KHDRBS2: variants seen among roughly 807,000 people sequenced by gnomAD.
KHDRBS2 encodes the protein KH RNA binding domain containing, signal transduction associated 2.
KHDRBS2 carries 26 observed loss-of-function variants against 44.3 expected under a neutral mutation model. That is an observed-to-expected ratio of 0.59 (90% CI 0.43 to 0.81). The LOEUF is 0.81. Ranked by LOEUF, KHDRBS2 falls within the 40% of genes least tolerant of loss-of-function variation. The pLI is 0.00. For missense variants in KHDRBS2, 476 were observed against 433.1 expected (o/e 1.10, Z -0.88); for synonymous variants, 194 against 151.1 (o/e 1.28, Z -2.08).
chr6:61,820,468 G>A (rs554331267), intron 6 of KHDRBS2, among the ~76,000 whole-genome samples: 3 of 151,944 alleles, frequency 2.0e-5, no homozygotes, highest in Non-Finnish European at 4.4e-5. Context: ...GAAAAGATAG[G>A]TTTGACAGGG....
intron 6 of KHDRBS2, among the ~76,000 whole-genome samples, chr6:61,850,700 A>G (rs1307960445): frequency 6.6e-6 from 1 of 152,176 alleles, no homozygotes; most frequent in Non-Finnish European, 1.5e-5. Context: ...TTGATTTCAA[A>G]CTGTCAGCTA....
intron 3 of KHDRBS2, among the ~76,000 whole-genome samples, chr6:62,017,490 A>G (rs1781421004): frequency 6.6e-6 from 1 of 152,110 alleles, no homozygotes. Context: ...CTACCCATTT[A>G]TTGTCTTTGA....
intron 3 of KHDRBS2, among the ~76,000 whole-genome samples, chr6:61,998,612 A>G (rs1375322820): frequency 6.6e-6 from 1 of 152,086 alleles, no homozygotes; most frequent in Non-Finnish European, 1.5e-5. Flanking sequence ...GAGTTCCAGA[A>G]AACATTGTTT....
intron 2 of KHDRBS2, among the ~76,000 whole-genome samples, chr6:62,154,906 T>TA (rs1367988458): frequency 1.3e-5 from 2 of 152,200 alleles, no homozygotes; most frequent in Non-Finnish European, 2.9e-5. Context: ...ATGCAAGTCA[T>TA]ACAAAAATTG....
intron 2 of KHDRBS2, among the ~76,000 whole-genome samples, chr6:62,092,116 C>T (rs1313248551): frequency 6.6e-6 from 1 of 151,742 alleles, no homozygotes; most frequent in African/African-American, 2.4e-5. Context: ...TTGATGTCTC[C>T]AGTTTTTTTT....
intron 2 of KHDRBS2, among the ~76,000 whole-genome samples, chr6:62,175,603 C>G (rs1820931164): frequency 6.6e-6 from 1 of 151,536 alleles, no homozygotes; most frequent in African/African-American, 2.4e-5. Context: ...TTAGTTCCAG[C>G]CTAAGCATTC....
chr6:61,920,041 C>G (rs1324502315), intron 4 of KHDRBS2, among the ~76,000 whole-genome samples: 1 of 151,892 alleles, frequency 6.6e-6, no homozygotes, highest in African/African-American at 2.4e-5. Flanking sequence ...AGATAAAACG[C>G]ATGACTATAG....
At chr6:61,691,715 C>T (rs1382945068) in intron 8 of KHDRBS2, among the ~76,000 whole-genome samples, 2 of 151,998 alleles carry the variant, frequency 1.3e-5, no homozygotes, top group East Asian at 3.9e-4. Context: ...TAAATGGCTG[C>T]CACAACTGCC....
rs1793238817 is a variant in KHDRBS2, at chr6:62,065,084, T to C, written c.220-17090A>G. ...AACGCAAATCAAAACCACAATGAGA[T>C]ACCATCTCACACCAGTTAGAATGGC... On this transcript the variant is annotated intron_variant, in intron 2 of 8. Coordinates refer to ENST00000281156, the MANE Select transcript of KHDRBS2 (RefSeq NM_152688.4). Among the ~76,000 whole-genome samples, 4 of 152,196 alleles carry C rather than the reference T, an allele frequency of 2.6e-5. No homozygotes were observed. The South Asian group carries it at 8.3e-4, about 32-fold the overall frequency.
chr6:62,010,512 G>T (rs1269423741), intron 3 of KHDRBS2, among the ~76,000 whole-genome samples: 1 of 152,060 alleles, frequency 6.6e-6, no homozygotes, highest in Non-Finnish European at 1.5e-5. Context: ...AGGGACCAGG[G>T]GTGGAATAAT....
At chr6:62,035,946 G>C (rs1243875715) in intron 3 of KHDRBS2, among the ~76,000 whole-genome samples, 5 of 152,040 alleles carry the variant, frequency 3.3e-5, no homozygotes, top group African/African-American at 1.2e-4. Context: ...TAGATGTGCA[G>C]TTAAATATAC....
rs73489000 is a variant in KHDRBS2 at position 62,275,987 on chromosome 6, A to C, written c.91+9871T>G. Among the ~76,000 whole-genome samples, 639 of 152,218 alleles carry C rather than the reference A, an allele frequency of 4.2e-3. 5 individuals carry two copies. The highest frequency in any genetic ancestry group is 0.015 in the African/African-American group (608 of 41,546). On this transcript the variant is annotated intron_variant, in intron 1 of 8. Transcript: ENST00000281156. ...CCTTTCTTCTTCTCAAAATTAAACAAATTTCTTCTCATTCAGCCTCTTTAT... is the reference window on the plus strand; with the variant it reads ...CCTTTCTTCTTCTCAAAATTAAACACATTTCTTCTCATTCAGCCTCTTTAT...
chr6:61,955,320 A>G (rs1193793096), intron 4 of KHDRBS2, among the ~76,000 whole-genome samples: 1 of 141,530 alleles, frequency 7.1e-6, no homozygotes, highest in Admixed American at 7.0e-5. Context: ...GTATACATAT[A>G]CGTGTATATA....
intron 3 of KHDRBS2, among the ~76,000 whole-genome samples, chr6:61,994,696 G>A (rs576422949): frequency 1.3e-5 from 2 of 152,184 alleles, no homozygotes; most frequent in Non-Finnish European, 2.9e-5. Flanking sequence ...GTTTATTCAT[G>A]GGCTTATATA....
At chr6:62,217,179 G>A (rs1163730952) in intron 1 of KHDRBS2, among the ~76,000 whole-genome samples, 6 of 151,516 alleles carry the variant, frequency 4.0e-5, no homozygotes, top group South Asian at 2.1e-4. Flanking sequence ...ATGTCTCTTC[G>A]CCGTTTTCAA....
At chr6:62,220,424 T>C (rs908146689) in intron 1 of KHDRBS2, among the ~76,000 whole-genome samples, 2 of 151,926 alleles carry the variant, frequency 1.3e-5, no homozygotes, top group African/African-American at 4.8e-5. Flanking sequence ...AAATTATACA[T>C]TGTACACATA....
chr6:61,828,124 A>G (rs1791208119), intron 6 of KHDRBS2, among the ~76,000 whole-genome samples: 1 of 152,184 alleles, frequency 6.6e-6, no homozygotes. Context: ...AGACCTCTCT[A>G]TCCTTTGCCC....
the KHDRBS2 span, among the ~76,000 whole-genome samples, chr6:61,671,651 C>G: frequency 6.6e-6 from 1 of 151,476 alleles, no homozygotes; most frequent in East Asian, 2.0e-4. Context: ...TTATTGTTAC[C>G]TCAGATATTT....
intron 6 of KHDRBS2, among the ~76,000 whole-genome samples, chr6:61,833,968 G>A (rs1340078706): frequency 6.6e-6 from 1 of 151,956 alleles, no homozygotes; most frequent in Admixed American, 6.6e-5. Context: ...TAGACTGAAG[G>A]CTACATATGG....
Sources: gnomAD v4.1 joint callset for allele counts (sites outside exome capture counted in the v4.1 genomes callset) on GRCh38, gnomAD v4.1.1 for gene constraint, MANE v1.5 for transcripts, NCBI Gene and HGNC (gene_info 2026-07-23, HGNC 2026-07-21) for gene names.